The following BLVRA variants were observed in gnomAD, a reference collection of about 807,000 sequenced individuals.
The protein encoded by BLVRA is biliverdin reductase A.
BLVRA carries 22 observed loss-of-function variants against 32.8 expected under a neutral mutation model. The observed-to-expected ratio is 0.67, with a 90% confidence interval of 0.48 to 0.96. BLVRA has a LOEUF of 0.96. Among genes scored for constraint, BLVRA ranks in the 40% least tolerant of loss-of-function variants. The probability of loss-of-function intolerance (pLI) is 0.00; values close to 1 mark genes in which losing one functional copy is unlikely to be tolerated. For synonymous variants in BLVRA, 119 were observed against 141.3 expected (o/e 0.84, Z 1.12); for missense variants, 323 against 358.1 (o/e 0.90, Z 0.79).
intron 7 of BLVRA, among the ~76,000 whole-genome samples, chr7:43,806,620 C>T (rs538050350): frequency 3.6e-4 from 54 of 151,784 alleles, no homozygotes; most frequent in Non-Finnish European, 6.9e-4. Context: ...TGGTGGCAGG[C>T]GCCTGTAATC....
rs370267506 is a variant in BLVRA, at chr7:43,792,718, G to T, written c.258G>T (p.Gln86His). 6.2e-7 allele frequency: 1 copy of T among 1,613,972 alleles called. No individual in the cohort carries two copies. The highest frequency in any genetic ancestry group is 8.5e-7 in the Non-Finnish European group (1 of 1,179,974). Residue 86 changes from glutamine (Q) to histidine (H), a missense_variant, in exon 5 of 8, where the codon CAG (glutamine) becomes CAT (histidine). Transcript: ENST00000265523. ...GTATTTGTCTCGTTTACCAAAGGCA[G>T]TTCCTTAATGCTGGCAAGCACGTCC... is the stretch of plus-strand genomic sequence containing the variant. Reference protein sequence around the residue: ...ESSSHEDYIRQFLNAGKHVLV... With the variant: ...ESSSHEDYIRHFLNAGKHVLV...
In BLVRA at chr7:43,805,260, G is replaced by A. The variant is rs143034580; in HGVS notation, c.632+1413G>A. On this transcript the variant is annotated intron_variant, in intron 7 of 7. Coordinates refer to ENST00000265523, the MANE Select transcript of BLVRA (RefSeq NM_000712.4). ...CAATGAGGAAGCAAGATGTTGGGGA[G>A]GCAGAGGCTGACTCTCTCTCTCTTT... Among the ~76,000 whole-genome samples the A allele has an allele frequency of 2.0e-5, 3 of 150,568 alleles. No homozygotes were observed. The East Asian group carries it at 5.9e-4, about 29-fold the overall frequency.
chr7:43,775,961 G>T (rs1201178955), intron 2 of BLVRA, among the ~76,000 whole-genome samples: 2 of 151,338 alleles, frequency 1.3e-5, no homozygotes, highest in Admixed American at 1.3e-4. Context: ...ATGGTAGTTT[G>T]TATTTCTGTG....
chr7:43,789,051 A>ACACG (rs1335233174), intron 3 of BLVRA, among the ~76,000 whole-genome samples: 2 of 152,006 alleles, frequency 1.3e-5, no homozygotes, highest in East Asian at 3.9e-4. Flanking sequence ...ACACACACAC[A>ACACG]CACGCACCAC....
intron 5 of BLVRA, among the ~76,000 whole-genome samples, chr7:43,799,993 TCGCCC>T (rs1045505299): frequency 1.2e-4 from 19 of 152,314 alleles, no homozygotes; most frequent in Admixed American, 1.2e-3. Context: ...TCTCACTCTG[TCGCCC>T]AGGCTGGAGT....
At chr7:43,792,863 C>G (rs1301463152) in intron 5 of BLVRA, 51 bp downstream of exon 5, 1 of 1,542,388 alleles carries the variant, frequency 6.5e-7, no homozygotes. Context: ...GTGATATCAT[C>G]TTTATGCCTT....
At chr7:43,789,009 C>T (rs1373956356) in intron 3 of BLVRA, among the ~76,000 whole-genome samples, 4 of 151,986 alleles carry the variant, frequency 2.6e-5, no homozygotes. Flanking sequence ...CTTCTTCCCC[C>T]ATGCTCAAAT....
intron 6 of BLVRA, among the ~76,000 whole-genome samples, chr7:43,803,205 A>G (rs1489906909): frequency 6.6e-6 from 1 of 152,210 alleles, no homozygotes. Flanking sequence ...AGGTAGTTAT[A>G]AGAATACAGG....
intron 5 of BLVRA, among the ~76,000 whole-genome samples, chr7:43,797,014 C>G (rs192846816): frequency 6.6e-6 from 1 of 152,340 alleles, no homozygotes; most frequent in East Asian, 1.9e-4. Flanking sequence ...CGTCAGTAAC[C>G]ACCAGCATCA....
intron 4 of BLVRA, 143 bp from the exon 5 acceptor site, chr7:43,792,572 G>T: frequency 2.6e-6 from 2 of 755,638 alleles, no homozygotes; most frequent in Non-Finnish European, 4.6e-6. Flanking sequence ...ATATCCCGTG[G>T]CACTGACTCC....
intron 5 of BLVRA, among the ~76,000 whole-genome samples, chr7:43,799,336 A>C (rs1182446940): frequency 6.6e-6 from 1 of 152,166 alleles, no homozygotes; most frequent in Non-Finnish European, 1.5e-5. Flanking sequence ...GAAACTGTAG[A>C]TCATAACCAC....
At chr7:43,793,598 T>G (rs1252652599) in intron 5 of BLVRA, among the ~76,000 whole-genome samples, 1 of 151,576 alleles carries the variant, frequency 6.6e-6, no homozygotes, top group Admixed American at 6.6e-5. Context: ...AGACCCTGTT[T>G]CTACAAAAAT....
At chr7:43,794,312 C>T (rs934863766) in intron 5 of BLVRA, among the ~76,000 whole-genome samples, 1 of 152,110 alleles carries the variant, frequency 6.6e-6, no homozygotes, top group Admixed American at 6.5e-5. Flanking sequence ...ACCTGCCCTA[C>T]AGGAAATGCT....
At chr7:43,768,686 A>G (rs1198661341) in intron 1 of BLVRA, among the ~76,000 whole-genome samples, 1 of 151,794 alleles carries the variant, frequency 6.6e-6, no homozygotes, top group Non-Finnish European at 1.5e-5. Flanking sequence ...TCTGACTATC[A>G]CTCACGTGCA....
At chr7:43,790,353 T>C (rs2095784168) in intron 3 of BLVRA, among the ~76,000 whole-genome samples, 1 of 152,104 alleles carries the variant, frequency 6.6e-6, no homozygotes, top group Admixed American at 6.6e-5. Flanking sequence ...TATTATGTGC[T>C]AGGCATTATA....
chr7:43,796,847 C>T (rs1563549783), intron 5 of BLVRA, among the ~76,000 whole-genome samples: 1 of 152,186 alleles, frequency 6.6e-6, no homozygotes, highest in East Asian at 1.9e-4. Context: ...AACTCTACAA[C>T]TCAACAACAA....
intron 1 of BLVRA, among the ~76,000 whole-genome samples, chr7:43,760,484 C>T (rs967250883): frequency 3.9e-5 from 6 of 152,126 alleles, no homozygotes; most frequent in African/African-American, 1.4e-4. Flanking sequence ...TTTGGCGTAT[C>T]CAGGACTCTG....
intron 4 of BLVRA, 193 bp downstream of exon 4, chr7:43,791,561 A>G: frequency 1.7e-6 from 1 of 597,754 alleles, no homozygotes; most frequent in Non-Finnish European, 2.9e-6. Flanking sequence ...TAAGGAAGTG[A>G]AAAATAGTAA....
intron 7 of BLVRA, among the ~76,000 whole-genome samples, chr7:43,804,601 T>C (rs2095802198): frequency 6.6e-6 from 1 of 152,186 alleles, no homozygotes; most frequent in Non-Finnish European, 1.5e-5. Flanking sequence ...ACTGTACATG[T>C]TCCCCGCAGG....
Sources: allele counts gnomAD v4.1 joint callset (sites outside exome capture counted in the v4.1 genomes callset), GRCh38; gene constraint gnomAD v4.1.1; transcripts MANE v1.5; gene names NCBI Gene and HGNC (gene_info 2026-07-23, HGNC 2026-07-21).